DGKE: variants seen among roughly 807,000 people sequenced by gnomAD.
DGKE encodes DAG kinase epsilon.
DGKE carries 53 observed loss-of-function variants against 70.0 expected under a neutral mutation model. The ratio of observed to expected loss-of-function variants is 0.76; its 90% CI spans 0.61 to 0.95. The LOEUF (loss-of-function observed/expected upper bound fraction) is 0.95. Ranked by LOEUF, DGKE falls within the 40% of genes least tolerant of loss-of-function variation. The probability of loss-of-function intolerance (pLI) is 0.00; values close to 1 mark genes in which losing one functional copy is unlikely to be tolerated. For missense variants in DGKE, 655 were observed against 706.9 expected, an observed-to-expected ratio of 0.93 and a Z score of 0.83; for synonymous variants, 291 against 257.0, an observed-to-expected ratio of 1.13 and a Z score of -1.27.
Position 56,848,054 on chromosome 17 carries a change from A to T in DGKE, c.877A>T (p.Met293Leu). ...VGWVLDAVDD[M>L]KIKGQEKYIP... ...GTGGGTCCTGGATGCAGTTGATGACATGAAGATTAAGGTATTAGTCTTTAA... is the reference window on the plus strand; with the variant it reads ...GTGGGTCCTGGATGCAGTTGATGACTTGAAGATTAAGGTATTAGTCTTTAA... Residue 293 changes from methionine to leucine, a missense_variant, in exon 5 of 12, where the codon ATG (methionine) becomes TTG (leucine). Transcript: ENST00000284061. The T allele has an allele frequency of 6.4e-7, 1 of 1,565,824 alleles. No individual in the cohort carries two copies. Among genetic ancestry groups the T allele is most frequent in the Middle Eastern group, 1.7e-4 (1 of 5,846 alleles).
chr17:56,843,797 C>CAAAAAAAAA lies in DGKE; in HGVS notation c.465-213_465-205dup, dbSNP rs368992473. Reference sequence around the variant, plus strand: ...TGGTGGACAGAGTGAGACCCTGTCTCAAAAAAAAAAAAAAAAAGTGCTGTT... The same window carrying CAAAAAAAAA: ...TGGTGGACAGAGTGAGACCCTGTCTCAAAAAAAAAAAAAAAAAAAAAAAAAAGTGCTGTT... On this transcript the variant is annotated intron_variant, in intron 2 of 11. Coordinates refer to ENST00000284061, the MANE Select transcript of DGKE (RefSeq NM_003647.3). 1.8e-5 allele frequency among the ~76,000 whole-genome samples: 2 copies of CAAAAAAAAA among 109,390 alleles called. 1 individual carries two copies. The allele number at this position is 109,390 out of a possible 152,430, so 71.8% of individuals were successfully genotyped here.
intron 4 of DGKE, chr17:56,847,318 G>A (rs1405207162): frequency 6.7e-6 from 1 of 149,342 alleles, no homozygotes; most frequent in Non-Finnish European, 1.5e-5. Context: ...AGGCAATGTG[G>A]TATAGTAGAT....
intron 7 of DGKE, among the ~76,000 whole-genome samples, chr17:56,852,608 T>TA (rs201332526): frequency 0.12 from 18,209 of 145,714 alleles, 1,207 homozygotes; most frequent in South Asian, 0.16. Flanking sequence ...TGATTTATTT[T>TA]AAAAAAAAAA....
Position 56,850,805 on chromosome 17 carries a change from A to G in DGKE, c.1098+1573A>G, listed in dbSNP as rs147787358. Among the ~76,000 whole-genome samples, 30 of 152,328 alleles carry G rather than the reference A, an allele frequency of 2.0e-4. No individual in the cohort carries two copies. In the East Asian group the frequency reaches 5.8e-3, roughly 29 times the overall value. On this transcript the variant is annotated intron_variant, in intron 7 of 11. Transcript: ENST00000284061. ...AAAGTGCCTACACTGCAGAAAACCA[A>G]GAAAGAAACCAGTTTATTGAGCAGA...
At chr17:56,837,407 ATC>A (rs2144194246) in intron 2 of DGKE, among the ~76,000 whole-genome samples, 1 of 152,288 alleles carries the variant, frequency 6.6e-6, no homozygotes, top group South Asian at 2.1e-4. Context: ...AGCACACTGA[ATC>A]TGTGTGATAA....
chr17:56,840,967 T>A (rs895480154), intron 2 of DGKE, among the ~76,000 whole-genome samples: 15 of 151,656 alleles, frequency 9.9e-5, no homozygotes, highest in African/African-American at 3.6e-4. Flanking sequence ...TAAAAAAAAA[T>A]TTTTGGCCAG....
rs928870712 is a variant in DGKE at position 56,863,652 on chromosome 17, C to T, written c.*861C>T. 1 of 152,164 alleles carries T rather than the reference C, an allele frequency of 6.6e-6. No individual in the cohort carries two copies. The highest frequency in any genetic ancestry group is 2.4e-5 in the African/African-American group (1 of 41,438). 9.4% of individuals were successfully genotyped at this position (152,164 alleles called of 1,614,324 possible). On this transcript the variant is annotated 3_prime_UTR_variant, in exon 12 of 12. Coordinates refer to ENST00000284061, the MANE Select transcript of DGKE (RefSeq NM_003647.3). Reference sequence around the variant, plus strand: ...TGAGATTAATTGCTTAGAAAAAGCTCAAGGCTGACTGATAAGTTTTAAAAA... The same window carrying T: ...TGAGATTAATTGCTTAGAAAAAGCTTAAGGCTGACTGATAAGTTTTAAAAA...
At chr17:56,836,869 G>T (rs1382343269) in intron 2 of DGKE, among the ~76,000 whole-genome samples, 1 of 152,150 alleles carries the variant, frequency 6.6e-6, no homozygotes, top group Non-Finnish European at 1.5e-5. Context: ...TGACATTTCT[G>T]CCCCTTTGCT....
chr17:56,837,366 C>T (rs1052834633), intron 2 of DGKE, among the ~76,000 whole-genome samples: 2 of 152,134 alleles, frequency 1.3e-5, no homozygotes, highest in Admixed American at 6.5e-5. Flanking sequence ...AAACATGCAC[C>T]TCCGTCTCTT....
At chr17:56,838,055 A>G (rs1017208496) in intron 2 of DGKE, among the ~76,000 whole-genome samples, 1 of 152,200 alleles carries the variant, frequency 6.6e-6, no homozygotes, top group Admixed American at 6.5e-5. Flanking sequence ...CATATTCAAT[A>G]TATTTATTAA....
At chr17:56,858,148 TAAATG>T (rs1480806531) in intron 8 of DGKE, among the ~76,000 whole-genome samples, 1 of 151,904 alleles carries the variant, frequency 6.6e-6, no homozygotes. Flanking sequence ...TAATTAAACT[TAAATG>T]GAATGGCCTG....
At chr17:56,857,812 C>T (rs185222311) in intron 8 of DGKE, among the ~76,000 whole-genome samples, 10 of 152,204 alleles carry the variant, frequency 6.6e-5, no homozygotes, top group South Asian at 6.2e-4. Context: ...TGGTGGCTCA[C>T]GCCTGTAATC....
At chr17:56,854,818 A>T (rs1293519924) in intron 7 of DGKE, among the ~76,000 whole-genome samples, 1 of 152,268 alleles carries the variant, frequency 6.6e-6, no homozygotes, top group Non-Finnish European at 1.5e-5. Flanking sequence ...CACACCAGTT[A>T]GATGATTCAA....
intron 1 of DGKE, among the ~76,000 whole-genome samples, chr17:56,834,472 G>A (rs1906426644): frequency 6.6e-6 from 1 of 152,242 alleles, no homozygotes; most frequent in Non-Finnish European, 1.5e-5. Context: ...GCCCCTGTAT[G>A]TTGCGCCCTT....
At chr17:56,861,303 A>T (rs1287578978) in intron 9 of DGKE, among the ~76,000 whole-genome samples, 2 of 152,198 alleles carry the variant, frequency 1.3e-5, no homozygotes, top group African/African-American at 4.8e-5. Flanking sequence ...TGGTAAGTAC[A>T]TTGGGGAACA....
chr17:56,866,741 C>T lies in DGKE; in HGVS notation c.*3950C>T, dbSNP rs1189228673. On this transcript the variant is annotated 3_prime_UTR_variant, in exon 12 of 12. Transcript: ENST00000284061. The stretch of plus-strand genomic sequence containing the variant: ...CATGGAGGCGCCTGCCTTCTCACTG[C>T]AGTCAATGCAGCCACACTTGTGTAT... The T allele has an allele frequency of 6.6e-6, 1 of 152,240 alleles. No homozygotes were observed. Among genetic ancestry groups the T allele is most frequent in the Middle Eastern group, 3.2e-3 (1 of 316 alleles). 9.4% of individuals were successfully genotyped at this position (152,240 alleles called of 1,614,324 possible).
intron 4 of DGKE, chr17:56,847,419 C>T (rs544549978): frequency 6.0e-5 from 9 of 150,394 alleles, no homozygotes; most frequent in African/African-American, 2.2e-4. Context: ...ACTGTAACCT[C>T]TGCCTCCCAG....
intron 7 of DGKE, among the ~76,000 whole-genome samples, chr17:56,853,516 G>A (rs1907770171): frequency 6.6e-6 from 1 of 152,124 alleles, no homozygotes; most frequent in Non-Finnish European, 1.5e-5. Flanking sequence ...TGTTCTGCAT[G>A]TGGATATCCA....
chr17:56,844,573 T>G (rs1907177071), intron 3 of DGKE, among the ~76,000 whole-genome samples: 1 of 152,114 alleles, frequency 6.6e-6, no homozygotes, highest in Non-Finnish European at 1.5e-5. Flanking sequence ...TTTTTTAAGG[T>G]CCTCAGAAGA....
Sources: allele counts gnomAD v4.1 joint callset (sites outside exome capture counted in the v4.1 genomes callset), GRCh38; gene constraint gnomAD v4.1.1; transcripts MANE v1.5; gene names NCBI Gene and HGNC (gene_info 2026-07-23, HGNC 2026-07-21).